Variants in RBFOX1 observed in about 807,000 individuals in gnomAD.
The protein encoded by RBFOX1 is RNA binding fox-1 homolog 1.
Under a neutral mutation model 57.7 loss-of-function variants are expected in RBFOX1, and 8 were observed. That is an observed-to-expected ratio of 0.14 (90% CI 0.08 to 0.25). RBFOX1 has a LOEUF of 0.25. Ranked by LOEUF, RBFOX1 falls within the 10% of genes least tolerant of loss-of-function variation. The probability of loss-of-function intolerance (pLI) is 1.00; values close to 1 mark genes in which losing one functional copy is unlikely to be tolerated. For missense variants in RBFOX1, 611 were observed against 548.5 expected (o/e 1.11, Z -1.14); for synonymous variants, 326 against 222.4 (o/e 1.47, Z -4.15).
intron 1 of RBFOX1, among the ~76,000 whole-genome samples, chr16:6,161,715 C>G (rs1239497227): frequency 6.6e-6 from 1 of 152,194 alleles, no homozygotes; most frequent in African/African-American, 2.4e-5. Context: ...TCATTGTCAT[C>G]TACACACACC....
At chr16:6,798,087 A>G (rs989765192) in intron 3 of RBFOX1, among the ~76,000 whole-genome samples, 1 of 152,122 alleles carries the variant, frequency 6.6e-6, no homozygotes, top group Non-Finnish European at 1.5e-5. Flanking sequence ...CTATAAATAT[A>G]TGCCACACCC....
chr16:7,113,897 G>T (rs1299626424), intron 4 of RBFOX1, among the ~76,000 whole-genome samples: 1 of 152,090 alleles, frequency 6.6e-6, no homozygotes, highest in Non-Finnish European at 1.5e-5. Context: ...CTCAGTGTGT[G>T]CATGGGTGAT....
chr16:6,657,509 CAG>C (rs938149033), intron 3 of RBFOX1, among the ~76,000 whole-genome samples: 2 of 152,052 alleles, frequency 1.3e-5, no homozygotes, highest in African/African-American at 4.8e-5. Context: ...CTGTGGCAGC[CAG>C]AGTGATTGCC....
At chr16:6,659,504 G>A (rs530605217) in intron 3 of RBFOX1, among the ~76,000 whole-genome samples, 2 of 152,132 alleles carry the variant, frequency 1.3e-5, no homozygotes, top group Non-Finnish European at 2.9e-5. Flanking sequence ...TAAAACAGTT[G>A]TGGTGTGGAA....
intron 2 of RBFOX1, among the ~76,000 whole-genome samples, chr16:6,554,465 A>G (rs899190034): frequency 1.3e-5 from 2 of 152,124 alleles, no homozygotes; most frequent in African/African-American, 4.8e-5. Flanking sequence ...TGTGGTGATA[A>G]TGGCACCACT....
chr16:5,790,061 T>A (rs2054637292), intron 3 of RBFOX1, among the ~76,000 whole-genome samples: 1 of 152,200 alleles, frequency 6.6e-6, no homozygotes, highest in African/African-American at 2.4e-5. Context: ...ACCCTTGTGG[T>A]TATTCGGGAC....
At chr16:5,729,035 C>G (rs1436453609) in intron 3 of RBFOX1, among the ~76,000 whole-genome samples, 1 of 152,228 alleles carries the variant, frequency 6.6e-6, no homozygotes, top group African/African-American at 2.4e-5. Flanking sequence ...CATCCCAATA[C>G]TCTCAGGTCC....
chr16:7,073,985 C>T (rs74756377), intron 4 of RBFOX1, among the ~76,000 whole-genome samples: 2,137 of 152,272 alleles, frequency 0.014, 56 homozygotes, highest in African/African-American at 0.049. Context: ...ATTCTTATTT[C>T]ATTGGAATAT....
chr16:6,579,117 T>C (rs546739268), intron 2 of RBFOX1, among the ~76,000 whole-genome samples: 3 of 152,374 alleles, frequency 2.0e-5, no homozygotes, highest in Non-Finnish European at 4.4e-5. Context: ...TGTTTTCTTC[T>C]ATTTTGGTTC....
At chr16:6,797,124 C>T (rs538438253) in intron 3 of RBFOX1, among the ~76,000 whole-genome samples, 78 of 152,234 alleles carry the variant, frequency 5.1e-4, no homozygotes, top group Non-Finnish European at 1.0e-3. Flanking sequence ...CTCTGCTGTT[C>T]GTTGTTTTAC....
At chr16:5,251,061 C>A (rs1270191420) in intron 1 of RBFOX1, among the ~76,000 whole-genome samples, 2 of 152,168 alleles carry the variant, frequency 1.3e-5, no homozygotes, top group African/African-American at 2.4e-5. Context: ...CTAATCTGCA[C>A]CTCGGTGTCC....
chr16:7,504,490 A>G (rs1205985455), intron 4 of RBFOX1, among the ~76,000 whole-genome samples: 3 of 150,914 alleles, frequency 2.0e-5, no homozygotes, highest in Non-Finnish European at 2.9e-5. Flanking sequence ...TTTTATGGTG[A>G]ATTGTTCCAC....
chr16:7,590,599 C>G (rs1162932566), intron 7 of RBFOX1, among the ~76,000 whole-genome samples: 1 of 152,040 alleles, frequency 6.6e-6, no homozygotes, highest in African/African-American at 2.4e-5. Context: ...GTGGCTCACT[C>G]TTGTAATCCC....
chr16:5,293,826 GT>G (rs2063595153), intron 1 of RBFOX1, among the ~76,000 whole-genome samples: 1 of 152,060 alleles, frequency 6.6e-6, no homozygotes, highest in Non-Finnish European at 1.5e-5. Flanking sequence ...TAATGAAAAT[GT>G]TTTGCAACTA....
At position 5,984,986 on chromosome 16, in the gene RBFOX1, T is replaced by A. The variant is rs1462833851; in HGVS notation, c.351+117651T>A. On this transcript the variant is annotated intron_variant, in intron 4 of 19. Transcript: ENST00000641259. ...TATATATATATATATATTTTTTTTT[T>A]TTTTTTTTTTCTTTGAGACAGAGTT... Among the ~76,000 whole-genome samples the A allele has an allele frequency of 1.2e-4, 15 of 127,292 alleles. No homozygotes were observed. In the East Asian group the frequency reaches 1.4e-3, roughly 12 times the overall value. 83.5% of individuals were successfully genotyped at this position (127,292 alleles called of 152,430 possible). A position where few individuals can be genotyped will look rare whatever the true frequency, so the allele number is the denominator to read the frequency against.
intron 4 of RBFOX1, among the ~76,000 whole-genome samples, chr16:7,469,026 C>T (rs1345268576): frequency 6.6e-6 from 1 of 152,056 alleles, no homozygotes; most frequent in South Asian, 2.1e-4. Flanking sequence ...CTCCACCGCC[C>T]AGGTTCACAC....
At chr16:7,142,740 C>T (rs2074097703) in intron 4 of RBFOX1, among the ~76,000 whole-genome samples, 1 of 152,152 alleles carries the variant, frequency 6.6e-6, no homozygotes, top group Non-Finnish European at 1.5e-5. Flanking sequence ...TGAGAACCAC[C>T]TCTACTGTTT....
intron 14 of RBFOX1, among the ~76,000 whole-genome samples, chr16:7,688,513 C>T (rs1005879100): frequency 1.3e-5 from 2 of 151,996 alleles, no homozygotes; most frequent in African/African-American, 4.8e-5. Context: ...CATCTCATGT[C>T]CCCTCCAGCA....
At chr16:6,145,445 A>G (rs1368091941) in intron 1 of RBFOX1, among the ~76,000 whole-genome samples, 2 of 152,030 alleles carry the variant, frequency 1.3e-5, no homozygotes, top group African/African-American at 4.8e-5. Flanking sequence ...ATTGATGGGC[A>G]TTTAGGTTGA....
Sources: allele counts gnomAD v4.1 joint callset (sites outside exome capture counted in the v4.1 genomes callset), GRCh38; gene constraint gnomAD v4.1.1; transcripts MANE v1.5; gene names NCBI Gene and HGNC (gene_info 2026-07-23, HGNC 2026-07-21).